Variants in SLC26A8 observed in about 807,000 individuals in gnomAD.
SLC26A8 encodes the protein solute carrier family 26 member 8, also known as testis anion transporter 1.
SLC26A8 carries 70 observed loss-of-function variants against 105.0 expected under a neutral mutation model. The observed-to-expected ratio is 0.67, with a 90% CI of 0.55 to 0.81. The LOEUF (loss-of-function observed/expected upper bound fraction) is 0.81, where lower values mean the gene tolerates loss of function less well. Among genes scored for constraint, SLC26A8 ranks in the 40% least tolerant of loss-of-function variants. The probability of loss-of-function intolerance (pLI) is 0.00; values close to 1 mark genes in which losing one functional copy is unlikely to be tolerated. For missense variants in SLC26A8, 998 were observed against 1,181.8 expected (o/e 0.84, Z 2.28); for synonymous variants, 415 against 438.3 (o/e 0.95, Z 0.66).
chr6:35,987,870 A>G (rs1244551902), intron 7 of SLC26A8, among the ~76,000 whole-genome samples: 1 of 151,870 alleles, frequency 6.6e-6, no homozygotes, highest in Non-Finnish European at 1.5e-5. Context: ...TAAAAAAGAA[A>G]TAATTCTCAT....
chr6:35,988,430 T>C (rs759073856), intron 7 of SLC26A8, among the ~76,000 whole-genome samples: 2 of 152,090 alleles, frequency 1.3e-5, no homozygotes, highest in Non-Finnish European at 2.9e-5. Context: ...GGTCAGGAGT[T>C]TGAGGCCAGC....
intron 5 of SLC26A8, among the ~76,000 whole-genome samples, chr6:35,993,789 G>A (rs1761260730): frequency 6.6e-6 from 1 of 152,114 alleles, no homozygotes; most frequent in Non-Finnish European, 1.5e-5. Flanking sequence ...ACTTTGGGAG[G>A]CTCAAGTGGG....
intron 7 of SLC26A8, among the ~76,000 whole-genome samples, chr6:35,990,736 T>C (rs143981083): frequency 3.9e-4 from 59 of 152,336 alleles, no homozygotes; most frequent in African/African-American, 1.4e-3. Flanking sequence ...GCCTGTCATA[T>C]GTTTGTCTGA....
chr6:35,998,296 C>T (rs1010036930), intron 4 of SLC26A8, among the ~76,000 whole-genome samples: 6 of 152,124 alleles, frequency 3.9e-5, no homozygotes, highest in Non-Finnish European at 8.8e-5. Context: ...TGGCTCACGC[C>T]TGTAATCCTA....
intron 5 of SLC26A8, among the ~76,000 whole-genome samples, chr6:35,994,764 A>G (rs980363790): frequency 1.3e-5 from 2 of 151,960 alleles, no homozygotes; most frequent in African/African-American, 2.4e-5. Context: ...TTAAGTAGAG[A>G]CAGGGTTTCG....
chr6:35,977,854 G>A (rs186119434), intron 8 of SLC26A8, among the ~76,000 whole-genome samples: 291 of 152,280 alleles, frequency 1.9e-3, no homozygotes, highest in Non-Finnish European at 2.3e-3. Flanking sequence ...GGAGGCCGAG[G>A]TGGGTGGACC....
chr6:35,966,822 A>G (rs1410836340), intron 11 of SLC26A8, among the ~76,000 whole-genome samples: 1 of 152,228 alleles, frequency 6.6e-6, no homozygotes, highest in Non-Finnish European at 1.5e-5. Flanking sequence ...ACTAGATGCT[A>G]TAAAATTAAT....
intron 7 of SLC26A8, chr6:35,990,545 T>C (rs1773724504): frequency 1.3e-5 from 2 of 154,670 alleles, no homozygotes; most frequent in South Asian, 1.9e-4. Flanking sequence ...TCCTCTCAGT[T>C]TGACATCTTC....
intron 2 of SLC26A8, among the ~76,000 whole-genome samples, chr6:36,016,247 C>A (rs1392906180): frequency 1.3e-5 from 2 of 152,130 alleles, no homozygotes; most frequent in Admixed American, 6.6e-5. Context: ...CCCACCTCAG[C>A]CTCCCAAAGT....
At position 35,981,274 on chromosome 6, in the gene SLC26A8, C is replaced by T. The variant is rs1773255469; in HGVS notation, c.1025+847G>A. ...ATTATAATGTAAATTGATTGTGAGTCCTTAAGAACTCCATATGCCAGGCTA... is the reference window on the plus strand; with the variant it reads ...ATTATAATGTAAATTGATTGTGAGTTCTTAAGAACTCCATATGCCAGGCTA... On this transcript the variant is annotated intron_variant, in intron 8 of 19. Coordinates refer to ENST00000490799, the MANE Select transcript of SLC26A8 (RefSeq NM_052961.4). This position sits in a 1 kb window ranked among gnomAD's most constrained non-coding sequence, Gnocchi z 4.0. 6.6e-6 allele frequency among the ~76,000 whole-genome samples: 1 copy of T among 152,110 alleles called. No homozygotes were observed. Among genetic ancestry groups the T allele is most frequent in the South Asian group, 2.1e-4 (1 of 4,832 alleles).
At chr6:35,997,662 A>G (rs78492005) in intron 5 of SLC26A8, 76 bp downstream of exon 5, 14,895 of 1,370,146 alleles carry the variant, frequency 0.011, 117 homozygotes, top group Non-Finnish European at 0.013. Context: ...GGATCACAGG[A>G]GCAGTATAAG....
In SLC26A8 at chr6:35,954,415, A is replaced by T. The variant is rs529213316; in HGVS notation, c.2232+737T>A. ...TACAAGACAGCCCAGTGCCTTTTACAGTGCTGGCTCAGATCAGCTGAACTG... is the reference window on the plus strand; with the variant it reads ...TACAAGACAGCCCAGTGCCTTTTACTGTGCTGGCTCAGATCAGCTGAACTG... On this transcript the variant is annotated intron_variant, in intron 17 of 19. Coordinates refer to ENST00000490799, the MANE Select transcript of SLC26A8 (RefSeq NM_052961.4). 5.9e-5 allele frequency among the ~76,000 whole-genome samples: 9 copies of T among 152,314 alleles called. No individual in the cohort carries two copies. The East Asian group carries it at 1.7e-3, about 29-fold the overall frequency.
chr6:35,982,984 T>C (rs1466609254), intron 7 of SLC26A8, among the ~76,000 whole-genome samples: 1 of 152,226 alleles, frequency 6.6e-6, no homozygotes, highest in East Asian at 1.9e-4. Context: ...TTATAAAGAC[T>C]GCGTCAATGC....
At position 35,968,994 on chromosome 6, in the gene SLC26A8, C is replaced by T. The variant is rs1772674851; in HGVS notation, c.1288-40G>A. ...CCAGTTGGAGAGAAACCATCAGGAA[C>T]GTATTGGTCCCTGTCTGCAACTGAG... On this transcript the variant is annotated intron_variant, in intron 10 of 19. Coordinates refer to ENST00000490799, the MANE Select transcript of SLC26A8 (RefSeq NM_052961.4). 6 of 1,579,570 alleles carry T rather than the reference C, an allele frequency of 3.8e-6. No homozygotes were observed. The East Asian group carries it at 6.8e-5, about 18-fold the overall frequency.
At chr6:36,011,995 CAA>C (rs1761871971) in intron 3 of SLC26A8, among the ~76,000 whole-genome samples, 1 of 152,126 alleles carries the variant, frequency 6.6e-6, no homozygotes, top group Non-Finnish European at 1.5e-5. Flanking sequence ...GAAAAAATAA[CAA>C]AGAGTGGGTG....
intron 10 of SLC26A8, among the ~76,000 whole-genome samples, chr6:35,973,782 T>C (rs1398949579): frequency 1.3e-5 from 2 of 152,228 alleles, no homozygotes; most frequent in Non-Finnish European, 2.9e-5. Context: ...CATGTGAAAG[T>C]TGACTGTTCA....
In SLC26A8 at chr6:35,959,791, C is replaced by T; in HGVS notation, c.1654G>A (p.Gly552Arg). The T allele has an allele frequency of 1.2e-6, 2 of 1,607,518 alleles. No homozygotes were observed. Among genetic ancestry groups the T allele is most frequent in the Non-Finnish European group, 1.7e-6 (2 of 1,178,354 alleles). ...CTGCAGCACTGGAAGATTTTCACCC[C>T]AGGAATGGTGATGATCTGCAAGACA... Reference protein sequence around the residue: ...NDYREIITIPGVKIFQCCSSI... With the variant: ...NDYREIITIPRVKIFQCCSSI... The change falls in exon 15 of 20, where the codon GGG becomes AGG. Residue 552 changes from glycine to arginine, a missense_variant. Physicochemically the swap from Gly to Arg is moderately radical, Grantham distance 125 (BLOSUM62 -2). Coordinates refer to ENST00000490799, the MANE Select transcript of SLC26A8 (RefSeq NM_052961.4).
At chr6:36,021,109 T>C (rs1180546840) in intron 1 of SLC26A8, among the ~76,000 whole-genome samples, 2 of 152,182 alleles carry the variant, frequency 1.3e-5, no homozygotes, top group African/African-American at 4.8e-5. Flanking sequence ...CATAATTATA[T>C]ATTGTATTTT....
chr6:35,950,849 A>T (rs376095913), intron 19 of SLC26A8, among the ~76,000 whole-genome samples: 83 of 152,268 alleles, frequency 5.5e-4, no homozygotes, highest in African/African-American at 1.9e-3. Flanking sequence ...CTAACCAAGA[A>T]TGCTGTAGAA....
Sources: allele counts gnomAD v4.1 joint callset (sites outside exome capture counted in the v4.1 genomes callset), GRCh38; gene constraint gnomAD v4.1.1; non-coding constraint Gnocchi (gnomAD v3.1); transcripts MANE v1.5; gene names NCBI Gene and HGNC (gene_info 2026-07-23, HGNC 2026-07-21).